RGS6: variants seen among roughly 807,000 people sequenced by gnomAD.
RGS6 encodes the protein regulator of G protein signaling 6.
Under a neutral mutation model 78.5 loss-of-function variants are expected in RGS6, and 30 were observed. The observed-to-expected ratio is 0.38, with a 90% CI of 0.29 to 0.52. The LOEUF (loss-of-function observed/expected upper bound fraction) is 0.52. Among genes scored for constraint, RGS6 ranks in the 20% least tolerant of loss-of-function variants. RGS6 has a pLI of 0.85. For synonymous variants in RGS6, 206 were observed against 206.0 expected (o/e 1.00, Z 0.00); for missense variants, 495 against 609.7 (o/e 0.81, Z 1.98).
the RGS6 span, among the ~76,000 whole-genome samples, chr14:71,879,011 G>A: frequency 1.8e-3 from 274 of 152,006 alleles, 3 homozygotes; most frequent in Non-Finnish European, 2.4e-3. Flanking sequence ...TATCTGTATC[G>A]TTCACTTCAT....
the RGS6 span, among the ~76,000 whole-genome samples, chr14:72,576,332 C>T: frequency 6.6e-6 from 1 of 152,050 alleles, no homozygotes; most frequent in African/African-American, 2.4e-5. Flanking sequence ...TTTTCTCCTC[C>T]CAAAAAGTAC....
At chr14:72,576,103 C>T in the RGS6 span, among the ~76,000 whole-genome samples, 3 of 152,230 alleles carry the variant, frequency 2.0e-5, no homozygotes, top group Admixed American at 6.5e-5. Context: ...CTGCCTCACA[C>T]CAAATTCGCA....
intron 2 of RGS6, among the ~76,000 whole-genome samples, chr14:72,029,039 T>G (rs1333249471): frequency 6.6e-6 from 1 of 152,224 alleles, no homozygotes; most frequent in African/African-American, 2.4e-5. Context: ...AAGAATTTTC[T>G]TACATCAGGA....
intron 2 of RGS6, among the ~76,000 whole-genome samples, chr14:72,182,892 T>C (rs1567403747): frequency 6.6e-6 from 1 of 152,228 alleles, no homozygotes; most frequent in East Asian, 1.9e-4. Flanking sequence ...TTGTCGTTGA[T>C]GATTTTTTTT....
At chr14:72,390,160 C>T (rs982391341) in intron 3 of RGS6, among the ~76,000 whole-genome samples, 1 of 141,728 alleles carries the variant, frequency 7.1e-6, no homozygotes. Flanking sequence ...TGCAGTGGTG[C>T]GATCTCAGCT....
At chr14:71,924,760 TG>T in the RGS6 span, among the ~76,000 whole-genome samples, 2 of 152,246 alleles carry the variant, frequency 1.3e-5, no homozygotes, top group Non-Finnish European at 2.9e-5. Context: ...TCCATGTATA[TG>T]GAATGTACAT....
At chr14:72,095,621 A>T (rs1484017473) in intron 2 of RGS6, among the ~76,000 whole-genome samples, 1 of 152,228 alleles carries the variant, frequency 6.6e-6, no homozygotes, top group East Asian at 1.9e-4. Flanking sequence ...TCACAGACAC[A>T]TTAAGATTTC....
chr14:72,501,535 A>G (rs1413932348), intron 13 of RGS6, among the ~76,000 whole-genome samples: 1 of 152,208 alleles, frequency 6.6e-6, no homozygotes, highest in Non-Finnish European at 1.5e-5. Flanking sequence ...AATTCTGAGA[A>G]GTAAAGTTTA....
chr14:72,617,560 A>G, the RGS6 span, among the ~76,000 whole-genome samples: 1 of 152,154 alleles, frequency 6.6e-6, no homozygotes, highest in Non-Finnish European at 1.5e-5. Context: ...TATGTGTGTG[A>G]TTCCCTCTGA....
At chr14:72,413,498 C>T (rs1158000222) in intron 3 of RGS6, among the ~76,000 whole-genome samples, 1 of 152,186 alleles carries the variant, frequency 6.6e-6, no homozygotes, top group East Asian at 1.9e-4. Flanking sequence ...ATACAGCACA[C>T]TGCTGGGTCT....
At chr14:72,448,758 A>C (rs779390587) in intron 3 of RGS6, among the ~76,000 whole-genome samples, 2 of 152,110 alleles carry the variant, frequency 1.3e-5, no homozygotes, top group Non-Finnish European at 2.9e-5. Flanking sequence ...TCGGTTTTCT[A>C]ATTGTTTTTT....
intron 2 of RGS6, among the ~76,000 whole-genome samples, chr14:72,279,081 G>T (rs1255429825): frequency 6.6e-6 from 1 of 151,982 alleles, no homozygotes; most frequent in Non-Finnish European, 1.5e-5. Flanking sequence ...TATCTCCAAG[G>T]ACAGTTATAT....
At chr14:71,990,632 C>G (rs747520992) in intron 2 of RGS6, 6 of 455,956 alleles carry the variant, frequency 1.3e-5, no homozygotes, top group Non-Finnish European at 2.6e-5. Flanking sequence ...TCTTCGTCTT[C>G]ATTCCCGGGG....
At chr14:72,226,956 G>T (rs1328077934) in intron 2 of RGS6, among the ~76,000 whole-genome samples, 1 of 152,170 alleles carries the variant, frequency 6.6e-6, no homozygotes, top group African/African-American at 2.4e-5. Flanking sequence ...CAAAGTGGAG[G>T]CATTACAGGC....
At chr14:72,331,928 A>G (rs909548631) in intron 2 of RGS6, among the ~76,000 whole-genome samples, 1 of 152,244 alleles carries the variant, frequency 6.6e-6, no homozygotes, top group African/African-American at 2.4e-5. Context: ...TATTCCAATT[A>G]TCTAATCTCT....
At chr14:72,135,376 C>T (rs1477638831) in intron 2 of RGS6, among the ~76,000 whole-genome samples, 2 of 152,048 alleles carry the variant, frequency 1.3e-5, no homozygotes, top group Non-Finnish European at 2.9e-5. Flanking sequence ...TTGTGGGGCT[C>T]CCCTAAAGAT....
intron 1 of RGS6, among the ~76,000 whole-genome samples, chr14:71,955,120 C>T (rs989607786): frequency 6.6e-6 from 1 of 152,076 alleles, no homozygotes; most frequent in African/African-American, 2.4e-5. Context: ...GCTTCAAATC[C>T]CCCCAAGGGT....
intron 12 of RGS6, among the ~76,000 whole-genome samples, chr14:72,481,497 T>C (rs1055747645): frequency 3.2e-4 from 48 of 152,186 alleles, no homozygotes; most frequent in African/African-American, 1.1e-3. Context: ...CTCCTTCCAC[T>C]GCCTCACACG....
At chr14:72,299,272 C>T (rs1035003531) in intron 2 of RGS6, among the ~76,000 whole-genome samples, 16 of 152,260 alleles carry the variant, frequency 1.1e-4, no homozygotes, top group African/African-American at 3.6e-4. Context: ...CCAGTCCTTC[C>T]CACCCTATTT....
Sources: allele counts gnomAD v4.1 joint callset (sites outside exome capture counted in the v4.1 genomes callset), GRCh38; gene constraint gnomAD v4.1.1; transcripts MANE v1.5; gene names NCBI Gene and HGNC (gene_info 2026-07-23, HGNC 2026-07-21).